CLSTN2: variants seen among roughly 807,000 people sequenced by gnomAD.
The protein encoded by CLSTN2 is calsyntenin-2.
A neutral mutation model predicts 101.2 loss-of-function variants in CLSTN2; 48 were observed. The ratio of observed to expected loss-of-function variants is 0.47; its 90% CI spans 0.38 to 0.60. The LOEUF is 0.60. Among genes scored for constraint, CLSTN2 ranks in the 20% least tolerant of loss-of-function variants. The probability of loss-of-function intolerance (pLI) is 0.00; values close to 1 mark genes in which losing one functional copy is unlikely to be tolerated. For missense variants in CLSTN2, 1,160 were observed against 1,238.2 expected (o/e 0.94, Z 0.95); for synonymous variants, 481 against 463.6 (o/e 1.04, Z -0.48).
At chr3:140,398,747 T>C (rs1428689402) in intron 2 of CLSTN2, among the ~76,000 whole-genome samples, 1 of 152,188 alleles carries the variant, frequency 6.6e-6, no homozygotes, top group Non-Finnish European at 1.5e-5. Flanking sequence ...ATCTAAAAAA[T>C]TGAATTAGCT....
chr3:140,400,502 C>T (rs565176323), intron 2 of CLSTN2, among the ~76,000 whole-genome samples: 1 of 152,110 alleles, frequency 6.6e-6, no homozygotes, highest in Non-Finnish European at 1.5e-5. Context: ...AGTTCGAGAC[C>T]AGCTTGGACA....
intron 4 of CLSTN2, among the ~76,000 whole-genome samples, chr3:140,418,733 G>C (rs934206403): frequency 1.3e-5 from 2 of 151,910 alleles, no homozygotes; most frequent in South Asian, 2.1e-4. Flanking sequence ...GGTCACGCTG[G>C]TCTCGAACTC....
chr3:140,543,126 G>T (rs1337757103), intron 9 of CLSTN2, among the ~76,000 whole-genome samples: 2 of 152,158 alleles, frequency 1.3e-5, no homozygotes, highest in East Asian at 1.9e-4. Context: ...GGTACATATT[G>T]TATGCCCAGT....
chr3:139,953,671 G>C (rs957976213), intron 1 of CLSTN2, among the ~76,000 whole-genome samples: 18 of 152,144 alleles, frequency 1.2e-4, no homozygotes, highest in Non-Finnish European at 2.4e-4. Flanking sequence ...CCCTCAGGTG[G>C]GAGGATGACT....
At position 139,965,761 on chromosome 3, in the gene CLSTN2, T is replaced by G. The variant is rs1935588320; in HGVS notation, c.109+30278T>G. ...TTCTTGCAGGGGCCCAGAGCCCTCA[T>G]GTAGCCTCCTCCTTTCTCTAGAAGC... On this transcript the variant is annotated intron_variant, in intron 1 of 16. Transcript: ENST00000458420. Among the ~76,000 whole-genome samples, 4 of 152,162 alleles carry G rather than the reference T, an allele frequency of 2.6e-5. No individual in the cohort carries two copies. The South Asian group carries it at 6.2e-4, about 24-fold the overall frequency.
intron 1 of CLSTN2, among the ~76,000 whole-genome samples, chr3:140,073,914 A>T (rs2008439443): frequency 2.6e-5 from 4 of 152,092 alleles, no homozygotes. Flanking sequence ...CTCTGAACTC[A>T]GTCCATTCTG....
intron 2 of CLSTN2, among the ~76,000 whole-genome samples, chr3:140,261,880 CT>C (rs563909839): frequency 3.9e-5 from 6 of 152,102 alleles, no homozygotes; most frequent in Admixed American, 2.0e-4. Flanking sequence ...TAATGCCCAC[CT>C]TCTATTTTTT....
At chr3:140,199,242 C>A (rs747456870) in intron 2 of CLSTN2, among the ~76,000 whole-genome samples, 1 of 152,164 alleles carries the variant, frequency 6.6e-6, no homozygotes, top group Non-Finnish European at 1.5e-5. Context: ...TGGCTGGGAG[C>A]AGCTAGGGCT....
intron 1 of CLSTN2, among the ~76,000 whole-genome samples, chr3:140,118,559 T>G (rs963586442): frequency 1.4e-5 from 2 of 145,598 alleles, no homozygotes; most frequent in African/African-American, 5.3e-5. Flanking sequence ...AATGGGCATA[T>G]GTCAGTGGGT....
intron 2 of CLSTN2, among the ~76,000 whole-genome samples, chr3:140,226,456 AT>A (rs754850694): frequency 1.6e-4 from 25 of 152,236 alleles, no homozygotes; most frequent in Non-Finnish European, 1.3e-4. Flanking sequence ...AAAAAGCTTA[AT>A]TTGAAAATGT....
At chr3:140,467,283 A>C (rs928140054) in intron 8 of CLSTN2, among the ~76,000 whole-genome samples, 1 of 152,188 alleles carries the variant, frequency 6.6e-6, no homozygotes. Context: ...TCAATGACAA[A>C]GCAAGTGTCT....
At chr3:140,556,076 T>C (rs1295757586) in intron 10 of CLSTN2, among the ~76,000 whole-genome samples, 1 of 151,944 alleles carries the variant, frequency 6.6e-6, no homozygotes, top group Non-Finnish European at 1.5e-5. Context: ...ACGGCATGGG[T>C]CAGAAAATGG....
intron 8 of CLSTN2, among the ~76,000 whole-genome samples, chr3:140,516,064 A>G (rs1211442957): frequency 6.6e-6 from 1 of 152,134 alleles, no homozygotes; most frequent in Non-Finnish European, 1.5e-5. Flanking sequence ...CCTATTGGAC[A>G]AGTACTTTTA....
chr3:140,033,346 G>C (rs527976566), intron 1 of CLSTN2, among the ~76,000 whole-genome samples: 1 of 152,192 alleles, frequency 6.6e-6, no homozygotes, highest in South Asian at 2.1e-4. Flanking sequence ...TTTATTGAGT[G>C]CCTTTCTTAT....
At chr3:140,318,395 G>A (rs146283400) in intron 2 of CLSTN2, among the ~76,000 whole-genome samples, 1 of 152,292 alleles carries the variant, frequency 6.6e-6, no homozygotes, top group Non-Finnish European at 1.5e-5. Flanking sequence ...AGAGCAGGTA[G>A]ATCAGGAATT....
In CLSTN2 at chr3:140,302,112, C is replaced by A. The variant is rs541645774; in HGVS notation, c.233-101517C>A. Among the ~76,000 whole-genome samples the A allele has an allele frequency of 4.6e-5, 7 of 152,238 alleles. No individual in the cohort carries two copies. The South Asian group carries it at 1.5e-3, about 32-fold the overall frequency. ...TTTAGTTGATTAAAAAGCCACTAGA[C>A]CCGTGTCTTAATATTTGGAACATTG... On this transcript the variant is annotated intron_variant, in intron 2 of 16. Transcript: ENST00000458420.
intron 2 of CLSTN2, among the ~76,000 whole-genome samples, chr3:140,253,729 G>T (rs1483792218): frequency 6.6e-6 from 1 of 152,098 alleles, no homozygotes; most frequent in African/African-American, 2.4e-5. Context: ...GAAAGTTCAG[G>T]ATCCCAGGAG....
chr3:140,368,340 G>A (rs1186188581), intron 2 of CLSTN2, among the ~76,000 whole-genome samples: 1 of 152,180 alleles, frequency 6.6e-6, no homozygotes, highest in Non-Finnish European at 1.5e-5. Context: ...TAAGCCAGTG[G>A]AACCAAGCAA....
intron 8 of CLSTN2, among the ~76,000 whole-genome samples, chr3:140,522,558 T>TAAAGA (rs1402347801): frequency 2.0e-5 from 3 of 152,180 alleles, no homozygotes; most frequent in Non-Finnish European, 2.9e-5. Context: ...GCTGTTGGAG[T>TAAAGA]AAAGAATGGC....
Sources: gnomAD v4.1 joint callset for allele counts (sites outside exome capture counted in the v4.1 genomes callset) on GRCh38, gnomAD v4.1.1 for gene constraint, MANE v1.5 for transcripts, NCBI Gene and HGNC (gene_info 2026-07-23, HGNC 2026-07-21) for gene names.